The following HIBCH variants were observed in gnomAD, a reference collection of about 807,000 sequenced individuals.
The protein encoded by HIBCH is 3-hydroxyisobutyryl-CoA hydrolase, also known as 3-hydroxyisobutyryl-CoA hydrolase, mitochondrial.
A neutral mutation model predicts 58.2 loss-of-function variants in HIBCH; 50 were observed. The observed-to-expected ratio is 0.86, with a 90% CI of 0.68 to 1.09. The LOEUF (loss-of-function observed/expected upper bound fraction) is 1.09, where lower values mean the gene tolerates loss of function less well. HIBCH is among the 50% of genes least tolerant of loss of function. The probability of loss-of-function intolerance (pLI) is 0.00; values close to 1 mark genes in which losing one functional copy is unlikely to be tolerated. For missense variants in HIBCH, 450 were observed against 449.7 expected, an observed-to-expected ratio of 1.00 and a Z score of -0.01; for synonymous variants, 151 against 146.9, an observed-to-expected ratio of 1.03 and a Z score of -0.20.
chr2:190,287,590 C>T lies in HIBCH; in HGVS notation c.434G>A (p.Gly145Asp). 6.2e-7 allele frequency: 1 copy of T among 1,603,688 alleles called. No individual in the cohort carries two copies. Among genetic ancestry groups the T allele is most frequent in the Non-Finnish European group, 8.5e-7 (1 of 1,170,766 alleles). ...YVALIHGITM[G>D]GGVGLSVHGQ... The stretch of plus-strand genomic sequence containing the variant: ...CAGAGTAAAAAGTCTACTTACCCCA[C>T]CCATTGTAATTCCATGAATAAGTGC... The change falls in exon 6 of 14, where the codon GGT (glycine) becomes GAT (aspartate). Residue 145 changes from glycine to aspartate, a missense_variant. Transcript: ENST00000359678.
Position 190,243,577 on chromosome 2 carries a change from T to C in HIBCH, c.891+1310A>G, listed in dbSNP as rs1187348825. 2.0e-5 allele frequency among the ~76,000 whole-genome samples: 3 copies of C among 152,348 alleles called. No individual in the cohort carries two copies. In the East Asian group the frequency reaches 5.8e-4, roughly 29 times the overall value. On this transcript the variant is annotated intron_variant, in intron 11 of 13. Transcript: ENST00000359678. The surrounding 1 kb of genome is among the most constrained non-coding windows in gnomAD (Gnocchi z 4.1). ...GAGTTAGGCAAATAAATGGCTGGTCTACCTGCTCTAATTTATGCCCATCCT... is the reference window on the plus strand; with the variant it reads ...GAGTTAGGCAAATAAATGGCTGGTCCACCTGCTCTAATTTATGCCCATCCT...
At chr2:190,230,631 G>C (rs1278985382) in intron 11 of HIBCH, among the ~76,000 whole-genome samples, 1 of 152,218 alleles carries the variant, frequency 6.6e-6, no homozygotes, top group Non-Finnish European at 1.5e-5. Flanking sequence ...GGAGGTGGAG[G>C]CTGCAGTGAG....
chr2:190,275,399 T>C (rs1339553331), intron 6 of HIBCH, among the ~76,000 whole-genome samples: 2 of 152,224 alleles, frequency 1.3e-5, no homozygotes, highest in African/African-American at 2.4e-5. Flanking sequence ...GTTCACGGAA[T>C]ATGCATTATT....
In HIBCH at chr2:190,205,171, C is replaced by T. The variant is rs772377448; in HGVS notation, c.1107G>A (p.Glu369=). The T allele has an allele frequency of 1.2e-6, 2 of 1,611,566 alleles. No individual in the cohort carries two copies. Among genetic ancestry groups the T allele is most frequent in the Admixed American group, 1.7e-5 (1 of 60,008 alleles). Reference sequence around the variant, plus strand: ...ACTTAAAGTGATTATTCAAATCTTCCTCAGTAACTTCTTTTAGATCAGCTG... The same window carrying T: ...ACTTAAAGTGATTATTCAAATCTTCTTCAGTAACTTCTTTTAGATCAGCTG... ...WKPADLKEVT[E]EDLNNHFKSL... Residue 369 remains glutamate, a synonymous_variant, in exon 14 of 14, where the codon GAG becomes GAA. Coordinates refer to ENST00000359678, the MANE Select transcript of HIBCH (RefSeq NM_014362.4).
intron 6 of HIBCH, among the ~76,000 whole-genome samples, chr2:190,261,741 A>G (rs1218585602): frequency 2.0e-5 from 3 of 152,162 alleles, no homozygotes; most frequent in South Asian, 2.1e-4. Flanking sequence ...TCCACTAGCC[A>G]TGGGGGCTTC....
intron 11 of HIBCH, among the ~76,000 whole-genome samples, chr2:190,231,886 A>G (rs71434690): frequency 2.3e-4 from 35 of 152,350 alleles, no homozygotes; most frequent in Admixed American, 5.2e-4. Context: ...ATCATTAGGT[A>G]TAAGGTCAAA....
chr2:190,262,921 C>T (rs985699153), intron 6 of HIBCH, among the ~76,000 whole-genome samples: 22 of 152,244 alleles, frequency 1.4e-4, no homozygotes, highest in African/African-American at 5.3e-4. Flanking sequence ...ATTTTAAAGC[C>T]TTTCAATAAA....
In HIBCH at chr2:190,205,193, G is replaced by T. The variant is rs1208984821; in HGVS notation, c.1085C>A (p.Ala362Asp). 5 of 1,608,674 alleles carry T rather than the reference G, an allele frequency of 3.1e-6. No homozygotes were observed. Among genetic ancestry groups the T allele is most frequent in the African/African-American group, 2.7e-5 (2 of 74,802 alleles). ...TTCCTCAGTAACTTCTTTTAGATCA[G>T]CTGGTTTCCATTTTGGACTCTGGTC... ...DKDQSPKWKP[A>D]DLKEVTEEDL... The change falls in exon 14 of 14, where the codon GCT becomes GAT. Residue 362 changes from alanine to aspartate, a missense_variant. Transcript: ENST00000359678.
rs569846201 is a variant in HIBCH, at chr2:190,312,752, T to G, written c.36-1956A>C. On this transcript the variant is annotated intron_variant, in intron 1 of 13. Coordinates refer to ENST00000359678, the MANE Select transcript of HIBCH (RefSeq NM_014362.4). ...TGAACTAGCATTTTCTGAATTTGTCTCACAAGTAAAATGTAGCCCAGTAAT... is the reference window on the plus strand; with the variant it reads ...TGAACTAGCATTTTCTGAATTTGTCGCACAAGTAAAATGTAGCCCAGTAAT... Among the ~76,000 whole-genome samples the G allele has an allele frequency of 3.3e-5, 5 of 152,366 alleles. No individual in the cohort carries two copies. In the South Asian group the frequency reaches 6.2e-4, roughly 19 times the overall value.
At chr2:190,273,886 T>C (rs1687474303) in intron 6 of HIBCH, among the ~76,000 whole-genome samples, 2 of 152,144 alleles carry the variant, frequency 1.3e-5, no homozygotes, top group South Asian at 4.1e-4. Flanking sequence ...CATGGCTCAC[T>C]GCAGCCTTGA....
At chr2:190,252,554 C>T (rs1018599373) in intron 7 of HIBCH, among the ~76,000 whole-genome samples, 10 of 152,074 alleles carry the variant, frequency 6.6e-5, no homozygotes, top group Non-Finnish European at 1.5e-5. Context: ...TATTTGATGA[C>T]ACAATGTTTT....
chr2:190,318,235 C>G (rs291465), intron 1 of HIBCH, among the ~76,000 whole-genome samples: 147,040 of 151,186 alleles, frequency 0.97, 71,557 homozygotes, highest in Admixed American at 0.98. Context: ...TACCCTAAGA[C>G]AGATGATTTG....
chr2:190,216,249 G>C lies in HIBCH; in HGVS notation c.892-3174C>G, dbSNP rs76017225. On this transcript the variant is annotated intron_variant, in intron 11 of 13. Transcript: ENST00000359678. This position sits in a 1 kb window ranked among gnomAD's most constrained non-coding sequence, Gnocchi z 4.2. ...TGAGGCGGGACAGAGCCTGGGAACCGGGCGATGCAAATGAGAAAGGGATGT... is the reference window on the plus strand; with the variant it reads ...TGAGGCGGGACAGAGCCTGGGAACCCGGCGATGCAAATGAGAAAGGGATGT... 6.6e-6 allele frequency: 1 copy of C among 152,640 alleles called. No homozygotes were observed. Among genetic ancestry groups the C allele is most frequent in the African/African-American group, 2.4e-5 (1 of 41,424 alleles). 9.5% of individuals were successfully genotyped at this position (152,640 alleles called of 1,614,324 possible). A position where few individuals can be genotyped will look rare whatever the true frequency, so the allele number is the denominator to read the frequency against.
chr2:190,242,666 G>A (rs548718773), intron 11 of HIBCH, among the ~76,000 whole-genome samples: 1 of 152,170 alleles, frequency 6.6e-6, no homozygotes, highest in East Asian at 1.9e-4. Context: ...ATACAGAATG[G>A]GTAGTAGGAG....
At chr2:190,231,497 C>T (rs548383974) in intron 11 of HIBCH, among the ~76,000 whole-genome samples, 10 of 152,172 alleles carry the variant, frequency 6.6e-5, no homozygotes, top group African/African-American at 1.2e-4. Context: ...CAGTAATTAC[C>T]GAAAAAGCTC....
intron 7 of HIBCH, among the ~76,000 whole-genome samples, chr2:190,259,226 T>C (rs1457570235): frequency 1.3e-5 from 2 of 152,158 alleles, no homozygotes; most frequent in East Asian, 3.8e-4. Context: ...ATTTTAAAAA[T>C]ATTCTTCCAA....
chr2:190,210,417 C>T lies in HIBCH; in HGVS notation c.1012-1504G>A, dbSNP rs1690490173. Among the ~76,000 whole-genome samples the T allele has an allele frequency of 6.6e-6, 1 of 152,166 alleles. No homozygotes were observed. Among genetic ancestry groups the T allele is most frequent in the African/African-American group, 2.4e-5 (1 of 41,428 alleles). On this transcript the variant is annotated intron_variant, in intron 12 of 13. Transcript: ENST00000359678. The surrounding 1 kb of genome is among the most constrained non-coding windows in gnomAD (Gnocchi z 5.5). ...CATCCTTTTTTTCCTTCCTACTGCT[C>T]TTTCTCTACCACACCTCAAAATGTT...
chr2:190,193,749 C>T lies in HIBCH; in HGVS notation c.*18-3752G>A, dbSNP rs116337048. Among the ~76,000 whole-genome samples, 1,021 of 152,176 alleles carry T rather than the reference C, an allele frequency of 6.7e-3. 11 individuals are homozygous for T. The highest frequency in any genetic ancestry group is 0.022 in the African/African-American group (924 of 41,540). The stretch of plus-strand genomic sequence containing the variant: ...CTGTATAGAGATGTATCTATTAGAT[C>T]TTTTTAAAGAACCAGCATTCATTCT... On this transcript the variant is annotated intron_variant, in intron 1 of 1. Coordinates refer to the HIBCH transcript ENST00000399855.
At chr2:190,276,415 A>G (rs186104642) in intron 6 of HIBCH, among the ~76,000 whole-genome samples, 57 of 152,294 alleles carry the variant, frequency 3.7e-4, no homozygotes, top group African/African-American at 1.3e-3. Context: ...TATAGATTGG[A>G]TATCTGTCCC....
Sources: gnomAD v4.1 joint callset for allele counts (sites outside exome capture counted in the v4.1 genomes callset) on GRCh38, gnomAD v4.1.1 for gene constraint, Gnocchi (gnomAD v3.1) non-coding constraint, MANE v1.5 for transcripts, NCBI Gene and HGNC (gene_info 2026-07-23, HGNC 2026-07-21) for gene names.